Variants in SYT16 observed in about 807,000 individuals in gnomAD.
The protein encoded by SYT16 is synaptotagmin-16.
In SYT16, 42 loss-of-function variants were observed where a neutral mutation model predicts 61.4. The ratio of observed to expected loss-of-function variants is 0.68; its 90% CI spans 0.53 to 0.89. The LOEUF is 0.89. Among genes scored for constraint, SYT16 ranks in the 40% least tolerant of loss-of-function variants. The pLI is 0.00. For synonymous variants in SYT16, 314 were observed against 302.3 expected (o/e 1.04, Z -0.40); for missense variants, 804 against 807.3 (o/e 1.00, Z 0.05).
chr14:61,898,028 T>C (rs2048384209), intron 1 of SYT16, among the ~76,000 whole-genome samples: 1 of 152,176 alleles, frequency 6.6e-6, no homozygotes. Context: ...ATGTCAGAGG[T>C]TAATGACTAG....
intron 1 of SYT16, among the ~76,000 whole-genome samples, chr14:61,839,289 C>A (rs532642560): frequency 6.6e-6 from 1 of 152,320 alleles, no homozygotes; most frequent in African/African-American, 2.4e-5. Flanking sequence ...TCATGCTCTG[C>A]TGTTCTTCTG....
At chr14:62,015,274 G>A (rs1354697993) in intron 3 of SYT16, among the ~76,000 whole-genome samples, 5 of 120,390 alleles carry the variant, frequency 4.2e-5, no homozygotes, top group African/African-American at 1.6e-4. Flanking sequence ...CATGGCATCA[G>A]TTTCATTAAC....
intron 1 of SYT16, among the ~76,000 whole-genome samples, chr14:61,896,076 AT>A (rs200813166): frequency 4.7e-3 from 662 of 141,598 alleles, no homozygotes; most frequent in African/African-American, 7.8e-3. Context: ...CTTTGGAGCC[AT>A]TTTTTTTTTT....
At chr14:61,952,132 AT>A (rs5809133) in intron 1 of SYT16, among the ~76,000 whole-genome samples, 22,800 of 144,500 alleles carry the variant, frequency 0.16, 2,756 homozygotes, top group African/African-American at 0.35. Flanking sequence ...ATTCATGCTG[AT>A]TTTTTTTTTT....
At chr14:62,042,974 G>A (rs1424852636) in intron 3 of SYT16, among the ~76,000 whole-genome samples, 1 of 152,034 alleles carries the variant, frequency 6.6e-6, no homozygotes. Flanking sequence ...CATTGTTTAT[G>A]CCCCCATCTT....
intron 1 of SYT16, among the ~76,000 whole-genome samples, chr14:61,886,378 A>G (rs958112963): frequency 6.6e-6 from 1 of 152,172 alleles, no homozygotes; most frequent in Non-Finnish European, 1.5e-5. Flanking sequence ...CATTTTACCC[A>G]CAGTGGAACT....
At chr14:61,874,072 G>A (rs1176329865) in intron 1 of SYT16, among the ~76,000 whole-genome samples, 3 of 152,188 alleles carry the variant, frequency 2.0e-5, no homozygotes, top group Admixed American at 1.3e-4. Context: ...CAATTTTGGA[G>A]GTGAATTTGG....
At chr14:61,941,002 C>T (rs926367507) in intron 1 of SYT16, among the ~76,000 whole-genome samples, 1 of 152,158 alleles carries the variant, frequency 6.6e-6, no homozygotes. Context: ...CTTTCCCGTG[C>T]AGAAGGACCA....
chr14:61,920,723 A>C (rs1196153515), intron 1 of SYT16, among the ~76,000 whole-genome samples: 1 of 152,232 alleles, frequency 6.6e-6, no homozygotes, highest in Non-Finnish European at 1.5e-5. Flanking sequence ...TATTCTATTC[A>C]GCCATACAAA....
intron 3 of SYT16, among the ~76,000 whole-genome samples, chr14:62,030,550 T>G (rs1210979893): frequency 6.6e-6 from 1 of 152,240 alleles, no homozygotes; most frequent in Non-Finnish European, 1.5e-5. Context: ...CTATACATTT[T>G]GTTTATTACT....
At chr14:62,055,626 C>T (rs908326640) in intron 3 of SYT16, among the ~76,000 whole-genome samples, 2 of 152,060 alleles carry the variant, frequency 1.3e-5, no homozygotes, top group African/African-American at 2.4e-5. Context: ...CTCAAAGAGG[C>T]TAGAGGAGCC....
At chr14:61,919,022 A>G (rs2049229093) in intron 1 of SYT16, among the ~76,000 whole-genome samples, 1 of 152,226 alleles carries the variant, frequency 6.6e-6, no homozygotes, top group Non-Finnish European at 1.5e-5. Context: ...TGCAGTCTTA[A>G]AAGTTCCTGA....
At position 61,863,110 on chromosome 14, in the gene SYT16, T is replaced by G. The variant is rs75175599; in HGVS notation, c.-325+50300T>G. Among the ~76,000 whole-genome samples, 1,362 of 152,354 alleles carry G rather than the reference T, an allele frequency of 8.9e-3. 25 individuals are homozygous for G. Among genetic ancestry groups the G allele is most frequent in the African/African-American group, 0.032 (1,310 of 41,586 alleles). On this transcript the variant is annotated intron_variant, in intron 1 of 7. Coordinates refer to ENST00000683842, the MANE Select transcript of SYT16 (RefSeq NM_001367656.1). ...ATGTGCAGTTTTTTGTGTGGACATA[T>G]ATTTTCACGTCCTTTGGGTAAATCC... is the stretch of plus-strand genomic sequence containing the variant.
At chr14:62,083,696 A>G (rs1444945979) in intron 6 of SYT16, among the ~76,000 whole-genome samples, 4 of 152,206 alleles carry the variant, frequency 2.6e-5, no homozygotes, top group Non-Finnish European at 5.9e-5. Context: ...CTAGGAGCCA[A>G]ATGTTCTATG....
intron 2 of SYT16, among the ~76,000 whole-genome samples, chr14:61,990,925 A>G (rs997279432): frequency 3.3e-5 from 5 of 152,174 alleles, no homozygotes; most frequent in Admixed American, 6.6e-5. Context: ...ACTCTTTAAT[A>G]TTTACTGCTT....
intron 6 of SYT16, among the ~76,000 whole-genome samples, chr14:62,082,144 G>A (rs1467905673): frequency 2.0e-5 from 3 of 152,144 alleles, no homozygotes; most frequent in African/African-American, 7.2e-5. Flanking sequence ...GTGCTGTGAG[G>A]AGGATGAGAG....
At chr14:61,990,211 C>T (rs922943251) in intron 2 of SYT16, among the ~76,000 whole-genome samples, 29 of 152,050 alleles carry the variant, frequency 1.9e-4, no homozygotes, top group African/African-American at 2.4e-5. Flanking sequence ...TTATTTATAC[C>T]AGGTCTATGC....
chr14:61,933,320 G>T (rs1223231462), intron 1 of SYT16, among the ~76,000 whole-genome samples: 1 of 152,180 alleles, frequency 6.6e-6, no homozygotes, highest in Non-Finnish European at 1.5e-5. Flanking sequence ...ATCTGAATCT[G>T]AAGCAAGAGG....
intron 1 of SYT16, among the ~76,000 whole-genome samples, chr14:61,950,094 C>T (rs1231564085): frequency 6.6e-6 from 1 of 152,192 alleles, no homozygotes; most frequent in Non-Finnish European, 1.5e-5. Flanking sequence ...TTGCCCCTTT[C>T]TGAAGTTATA....
Sources: allele counts gnomAD v4.1 joint callset (sites outside exome capture counted in the v4.1 genomes callset), GRCh38; gene constraint gnomAD v4.1.1; transcripts MANE v1.5; gene names NCBI Gene and HGNC (gene_info 2026-07-23, HGNC 2026-07-21).